The following NTM variants were observed in gnomAD, a reference collection of about 807,000 sequenced individuals.
The protein encoded by NTM is IgLON family member 2.
NTM carries 13 observed loss-of-function variants against 42.1 expected under a neutral mutation model. The ratio of observed to expected loss-of-function variants is 0.31; its 90% CI spans 0.20 to 0.49. The LOEUF (loss-of-function observed/expected upper bound fraction) is 0.49. Ranked by LOEUF, NTM falls within the 20% of genes least tolerant of loss-of-function variation. The pLI is 0.99. For missense variants in NTM, 373 were observed against 452.8 expected (o/e 0.82, Z 1.60); for synonymous variants, 187 against 179.2 (o/e 1.04, Z -0.35).
At chr11:131,608,773 G>A (rs1428852446) in intron 1 of NTM, among the ~76,000 whole-genome samples, 1 of 151,768 alleles carries the variant, frequency 6.6e-6, no homozygotes, top group Admixed American at 6.6e-5. Context: ...AATGTGCCCT[G>A]TTTGTAGAGC....
chr11:131,520,197 C>T (rs982765307), intron 1 of NTM, among the ~76,000 whole-genome samples: 3 of 152,072 alleles, frequency 2.0e-5, no homozygotes, highest in African/African-American at 7.2e-5. Context: ...GAAGGGACTT[C>T]CAAAAATAAT....
rs1948316147 is a variant in NTM at position 131,428,022 on chromosome 11, GA to G, written c.82+57135del. ...CTTCTACTCTCAGTTTCACAAAGATGACTCTGAAATTTACATCTTTCACCAG... is the reference window on the plus strand; with the variant it reads ...CTTCTACTCTCAGTTTCACAAAGATGCTCTGAAATTTACATCTTTCACCAG... On this transcript the variant is annotated intron_variant, in intron 1 of 8. Coordinates refer to ENST00000683400, the MANE Select transcript of NTM (RefSeq NM_001352005.2). Among the ~76,000 whole-genome samples, 3 of 152,186 alleles carry G rather than the reference GA, an allele frequency of 2.0e-5. No homozygotes were observed. The South Asian group carries it at 6.2e-4, about 32-fold the overall frequency.
Position 132,126,674 on chromosome 11 carries a change from AAG to A in NTM, c.168-19605_168-19604del, listed in dbSNP as rs148146501. 1.4e-4 allele frequency among the ~76,000 whole-genome samples: 21 copies of A among 152,340 alleles called. No individual in the cohort carries two copies. In the East Asian group the frequency reaches 4.0e-3, roughly 29 times the overall value. On this transcript the variant is annotated intron_variant, in intron 2 of 8. Coordinates refer to ENST00000683400, the MANE Select transcript of NTM (RefSeq NM_001352005.2). ...AACTAGCACAAGAAAGAAAAGGAGA[AAG>A]AGGGCAAGAATGGAAATGCGGAAGG...
intron 3 of NTM, among the ~76,000 whole-genome samples, chr11:132,187,212 GGCGTGTGT>G (rs1464536345): frequency 2.0e-5 from 2 of 100,060 alleles, no homozygotes; most frequent in African/African-American, 8.6e-5. Context: ...TTGCTCAGAT[GGCGTGTGT>G]GTGTGTGTGT....
At chr11:132,090,223 G>C (rs2060224134) in intron 2 of NTM, among the ~76,000 whole-genome samples, 1 of 152,152 alleles carries the variant, frequency 6.6e-6, no homozygotes, top group African/African-American at 2.4e-5. Context: ...CTATATGTAG[G>C]AAAATAATCT....
chr11:132,136,913 G>C (rs536245535), intron 2 of NTM, among the ~76,000 whole-genome samples: 10 of 152,282 alleles, frequency 6.6e-5, no homozygotes, highest in African/African-American at 2.4e-4. Context: ...GGCTTCCCCA[G>C]AGGCCAGTGC....
At chr11:131,439,270 C>T (rs113249439) in intron 1 of NTM, among the ~76,000 whole-genome samples, 3 of 152,204 alleles carry the variant, frequency 2.0e-5, no homozygotes, top group African/African-American at 4.8e-5. Flanking sequence ...GTCAGGGACT[C>T]ACTTGGGGAG....
chr11:132,195,387 A>G (rs1277221601), intron 3 of NTM, among the ~76,000 whole-genome samples: 1 of 151,936 alleles, frequency 6.6e-6, no homozygotes. Flanking sequence ...CAATTTACAG[A>G]TTCAATGTAA....
intron 1 of NTM, among the ~76,000 whole-genome samples, chr11:131,694,484 C>A (rs530093451): frequency 6.6e-6 from 1 of 152,264 alleles, no homozygotes; most frequent in African/African-American, 2.4e-5. Flanking sequence ...AGGTCTGCAC[C>A]CAGCTCAGAG....
At chr11:131,777,719 C>T (rs1283259307) in intron 1 of NTM, among the ~76,000 whole-genome samples, 1 of 152,074 alleles carries the variant, frequency 6.6e-6, no homozygotes, top group Admixed American at 6.5e-5. Flanking sequence ...ATTACAGTTG[C>T]TATGAAGTTT....
At chr11:131,496,190 A>G (rs1955321150) in intron 1 of NTM, among the ~76,000 whole-genome samples, 1 of 152,202 alleles carries the variant, frequency 6.6e-6, no homozygotes, top group South Asian at 2.1e-4. Flanking sequence ...GAAGCATTTT[A>G]GGGTTCTTTC....
intron 2 of NTM, among the ~76,000 whole-genome samples, chr11:132,057,977 A>G (rs1050250306): frequency 8.6e-5 from 13 of 151,824 alleles, no homozygotes; most frequent in Admixed American, 6.6e-5. Context: ...CTTGTCTCAT[A>G]ACTCCTAGCC....
intron 1 of NTM, among the ~76,000 whole-genome samples, chr11:131,753,532 C>A (rs1199387910): frequency 6.6e-6 from 1 of 151,388 alleles, no homozygotes; most frequent in Non-Finnish European, 1.5e-5. Context: ...GAAAATGTGG[C>A]ACATATACAC....
intron 2 of NTM, among the ~76,000 whole-genome samples, chr11:132,004,777 TC>T (rs1173348260): frequency 1.3e-5 from 2 of 152,074 alleles, no homozygotes. Flanking sequence ...GGGGATTGAT[TC>T]AGCTTTCAAG....
At chr11:131,995,619 G>A (rs1380171945) in intron 2 of NTM, among the ~76,000 whole-genome samples, 1 of 152,106 alleles carries the variant, frequency 6.6e-6, no homozygotes, top group Non-Finnish European at 1.5e-5. Flanking sequence ...GGAGACTGGT[G>A]CTCAGCAGGG....
intron 2 of NTM, among the ~76,000 whole-genome samples, chr11:132,031,914 G>C (rs376670568): frequency 6.6e-6 from 1 of 151,988 alleles, no homozygotes; most frequent in African/African-American, 2.4e-5. Context: ...ATGCTCAAAG[G>C]CCCTCCCACT....
intron 2 of NTM, among the ~76,000 whole-genome samples, chr11:132,018,010 GT>G (rs1209658450): frequency 3.3e-5 from 5 of 151,906 alleles, no homozygotes; most frequent in African/African-American, 9.7e-5. Flanking sequence ...AGTTCTAATA[GT>G]TTTTTGTGCA....
chr11:132,252,835 G>C (rs1566584003), intron 4 of NTM, among the ~76,000 whole-genome samples: 1 of 152,108 alleles, frequency 6.6e-6, no homozygotes, highest in Non-Finnish European at 1.5e-5. Context: ...AATGTACCTT[G>C]GTTAAATAAG....
At chr11:131,471,426 C>T (rs1280578010) in intron 1 of NTM, among the ~76,000 whole-genome samples, 1 of 152,150 alleles carries the variant, frequency 6.6e-6, no homozygotes, top group East Asian at 1.9e-4. Context: ...GGGGAAAAGA[C>T]AGATAGGACA....
Sources: gnomAD v4.1 joint callset for allele counts (sites outside exome capture counted in the v4.1 genomes callset) on GRCh38, gnomAD v4.1.1 for gene constraint, MANE v1.5 for transcripts, NCBI Gene and HGNC (gene_info 2026-07-23, HGNC 2026-07-21) for gene names.